Variants in SORCS3 observed in about 807,000 individuals in gnomAD.
SORCS3 encodes sortilin related VPS10 domain containing receptor 3, also known as VPS10 domain-containing receptor SorCS3.
SORCS3 carries 57 observed loss-of-function variants against 146.3 expected under a neutral mutation model. The observed-to-expected ratio is 0.39, with a 90% CI of 0.31 to 0.49. The LOEUF is 0.49. Ranked by LOEUF, SORCS3 falls within the 20% of genes least tolerant of loss-of-function variation. The pLI is 0.92. For missense variants in SORCS3, 1,341 were observed against 1,575.5 expected, an observed-to-expected ratio of 0.85 and a Z score of 2.52; for synonymous variants, 653 against 618.5, an observed-to-expected ratio of 1.06 and a Z score of -0.83.
chr10:104,642,019 T>C, intron 1 of SORCS3, 65 bp downstream of exon 1: 1 of 96,392 alleles, frequency 1.0e-5, no homozygotes, highest in Non-Finnish European at 2.0e-5. Context: ...GGGGGGTGGG[T>C]GGGAGCGAGG....
intron 1 of SORCS3, among the ~76,000 whole-genome samples, chr10:104,660,694 C>A (rs1342134339): frequency 6.6e-6 from 1 of 152,108 alleles, no homozygotes; most frequent in Non-Finnish European, 1.5e-5. Context: ...TTTGGGAAGG[C>A]GTTTTAGGGA....
intron 14 of SORCS3, among the ~76,000 whole-genome samples, chr10:105,187,066 A>G (rs978093802): frequency 1.3e-5 from 2 of 152,088 alleles, no homozygotes; most frequent in South Asian, 2.1e-4. Context: ...TTTCAAGCCC[A>G]TTACAGGGAT....
intron 18 of SORCS3, among the ~76,000 whole-genome samples, chr10:105,215,984 TG>T (rs1325803802): frequency 1.4e-3 from 4 of 2,786 alleles, no homozygotes; most frequent in African/African-American, 2.9e-3. Context: ...AATGGTGGGG[TG>T]GGGGGGTGGG....
intron 14 of SORCS3, among the ~76,000 whole-genome samples, chr10:105,185,117 C>T (rs1026496918): frequency 6.6e-6 from 1 of 152,056 alleles, no homozygotes; most frequent in Non-Finnish European, 1.5e-5. Flanking sequence ...CTTGGTTCAC[C>T]AATGTTGTCA....
At chr10:105,208,977 G>A (rs2056618445) in intron 16 of SORCS3, among the ~76,000 whole-genome samples, 1 of 151,988 alleles carries the variant, frequency 6.6e-6, no homozygotes, top group Non-Finnish European at 1.5e-5. Flanking sequence ...CTGATCTCAA[G>A]TTCCACCTTT....
At chr10:104,881,459 C>T (rs1218838673) in intron 2 of SORCS3, among the ~76,000 whole-genome samples, 4 of 152,062 alleles carry the variant, frequency 2.6e-5, no homozygotes, top group South Asian at 2.1e-4. Flanking sequence ...TTGATTGAAC[C>T]GATGGAACAT....
In SORCS3 at chr10:105,031,438, A is replaced by T. The variant is rs562843906; in HGVS notation, c.955-11617A>T. 2.6e-5 allele frequency among the ~76,000 whole-genome samples: 4 copies of T among 152,242 alleles called. No individual in the cohort carries two copies. In the East Asian group the frequency reaches 7.7e-4, roughly 29 times the overall value. On this transcript the variant is annotated intron_variant, in intron 4 of 26. Coordinates refer to ENST00000369701, the MANE Select transcript of SORCS3 (RefSeq NM_014978.3). ...CATTCCCTTGGGTTCTATTTCTAGA[A>T]TTATTGCTTTTGGATGAAGAATCAA...
chr10:104,696,366 T>TACAC, intron 1 of SORCS3, among the ~76,000 whole-genome samples: 1 of 81,194 alleles, frequency 1.2e-5, no homozygotes, highest in African/African-American at 5.2e-5. Context: ...ATATATCATA[T>TACAC]ATAGTATATA....
chr10:104,847,299 T>C (rs1226989515), intron 2 of SORCS3, among the ~76,000 whole-genome samples: 2 of 152,220 alleles, frequency 1.3e-5, no homozygotes, highest in Non-Finnish European at 2.9e-5. Flanking sequence ...ACATATGTCC[T>C]GGTGAGGATT....
intron 16 of SORCS3, among the ~76,000 whole-genome samples, chr10:105,208,867 C>T (rs936205328): frequency 6.6e-6 from 1 of 152,104 alleles, no homozygotes; most frequent in Non-Finnish European, 1.5e-5. Flanking sequence ...ACTGAGATCT[C>T]CAGTAGTTAA....
At chr10:104,935,710 C>T (rs2019253253) in intron 3 of SORCS3, among the ~76,000 whole-genome samples, 1 of 146,264 alleles carries the variant, frequency 6.8e-6, no homozygotes, top group South Asian at 2.3e-4. Flanking sequence ...GCAGAGGCAA[C>T]ACATCAGTAG....
At chr10:104,907,054 G>C (rs543978002) in intron 2 of SORCS3, among the ~76,000 whole-genome samples, 12 of 151,602 alleles carry the variant, frequency 7.9e-5, no homozygotes, top group Non-Finnish European at 1.8e-4. Context: ...AATATATTTA[G>C]TATTATGTCT....
At chr10:104,978,884 C>G (rs2054917309) in intron 4 of SORCS3, among the ~76,000 whole-genome samples, 2 of 152,198 alleles carry the variant, frequency 1.3e-5, no homozygotes, top group African/African-American at 2.4e-5. Flanking sequence ...TTACCAGCCC[C>G]TGCCTGATCT....
chr10:104,989,923 C>T (rs1411490027), intron 4 of SORCS3, among the ~76,000 whole-genome samples: 1 of 152,218 alleles, frequency 6.6e-6, no homozygotes, highest in South Asian at 2.1e-4. Context: ...CCCACTTCAA[C>T]AAGGAGGCAA....
chr10:104,885,302 T>C (rs1295943487), intron 2 of SORCS3, among the ~76,000 whole-genome samples: 2 of 152,220 alleles, frequency 1.3e-5, no homozygotes, highest in African/African-American at 4.8e-5. Context: ...AACAAAGATC[T>C]CAAGGACAGC....
At chr10:104,909,220 T>A (rs895437206) in intron 2 of SORCS3, among the ~76,000 whole-genome samples, 1 of 152,038 alleles carries the variant, frequency 6.6e-6, no homozygotes, top group African/African-American at 2.4e-5. Flanking sequence ...AAACCCAAAA[T>A]ATTTACTATC....
At chr10:104,777,745 T>C (rs1049847678) in intron 1 of SORCS3, among the ~76,000 whole-genome samples, 3 of 151,974 alleles carry the variant, frequency 2.0e-5, no homozygotes, top group Non-Finnish European at 4.4e-5. Flanking sequence ...TGTGTGTGAG[T>C]GTGTGTCGGG....
At chr10:105,031,334 C>G (rs925330904) in intron 4 of SORCS3, among the ~76,000 whole-genome samples, 1 of 69,862 alleles carries the variant, frequency 1.4e-5, no homozygotes, top group African/African-American at 1.0e-4. Flanking sequence ...CACACACAAA[C>G]ACACACACAC....
intron 5 of SORCS3, among the ~76,000 whole-genome samples, chr10:105,070,531 C>CT (rs1361045805): frequency 3.9e-5 from 6 of 152,296 alleles, no homozygotes; most frequent in Admixed American, 2.0e-4. Flanking sequence ...GCTTCCCAGC[C>CT]TGTGATCAAG....
Sources: gnomAD v4.1 joint callset for allele counts (sites outside exome capture counted in the v4.1 genomes callset) on GRCh38, gnomAD v4.1.1 for gene constraint, MANE v1.5 for transcripts, NCBI Gene and HGNC (gene_info 2026-07-23, HGNC 2026-07-21) for gene names.